KIRREL1: variants seen among roughly 807,000 people sequenced by gnomAD.
KIRREL1 encodes kin of IRRE-like protein 1.
Under a neutral mutation model 83.3 loss-of-function variants are expected in KIRREL1, and 25 were observed. The observed-to-expected ratio is 0.30, with a 90% confidence interval of 0.22 to 0.42. The LOEUF is 0.42. Among genes scored for constraint, KIRREL1 ranks in the 10% least tolerant of loss-of-function variants. The probability of loss-of-function intolerance (pLI) is 1.00; values close to 1 mark genes in which losing one functional copy is unlikely to be tolerated. For synonymous variants in KIRREL1, 388 were observed against 410.4 expected, an observed-to-expected ratio of 0.95 and a Z score of 0.66; for missense variants, 812 against 1,032.3, an observed-to-expected ratio of 0.79 and a Z score of 2.92.
At position 158,084,556 on chromosome 1, in the gene KIRREL1, C is replaced by A; in HGVS notation, c.487C>A (p.Gln163Lys). The change falls in exon 4 of 15, where the codon CAG becomes AAG. Residue 163 changes from glutamine to lysine, a missense_variant. Gln to Lys is a moderately conservative substitution (Grantham distance 53, BLOSUM62 1). Transcript: ENST00000359209. The stretch of plus-strand genomic sequence containing the variant: ...CATCTGGTTCCGGGACGGGACGCAG[C>A]AGGAGGGCGCTGTGGCCAGCACGGT... ...TIIWFRDGTQ[Q>K]EGAVASTELL... is the part of the protein sequence containing the mutation. The A allele has an allele frequency of 6.4e-7, 1 of 1,551,734 alleles. No homozygotes were observed. The highest frequency in any genetic ancestry group is 8.7e-7 in the Non-Finnish European group (1 of 1,146,992).
At chr1:158,085,946 A>G (rs1042522197) in intron 4 of KIRREL1, among the ~76,000 whole-genome samples, 1 of 152,222 alleles carries the variant, frequency 6.6e-6, no homozygotes, top group African/African-American at 2.4e-5. Flanking sequence ...AGCTGTGAGC[A>G]GGACACACTG....
chr1:158,087,877 C>A lies in KIRREL1; in HGVS notation c.767+17C>A. 1 of 1,610,592 alleles carries A rather than the reference C, an allele frequency of 6.2e-7. No individual in the cohort carries two copies. ...GGGCTACAGGTGAGGGGGTCAGAGGCTGGGAGCGCTCTGGGGAGTGATAAG... is the reference window on the plus strand; with the variant it reads ...GGGCTACAGGTGAGGGGGTCAGAGGATGGGAGCGCTCTGGGGAGTGATAAG... On this transcript the variant is annotated intron_variant, in intron 6 of 14. Transcript: ENST00000359209.
At chr1:158,031,191 C>T (rs960289030) in intron 1 of KIRREL1, 4 of 152,126 alleles carry the variant, frequency 2.6e-5, no homozygotes, top group African/African-American at 7.2e-5. Flanking sequence ...TCAGGTCCCC[C>T]GAACGAAAAG....
rs961412306 is a variant in KIRREL1, at chr1:158,094,560, G to A, written c.1798-84G>A. 20 of 1,296,868 alleles carry A rather than the reference G, an allele frequency of 1.5e-5. No individual in the cohort carries two copies. The highest frequency in any genetic ancestry group is 2.9e-5 in the African/African-American group (2 of 68,726). The allele number at this position is 1,296,868 out of a possible 1,614,324, so 80.3% of individuals were successfully genotyped here. A position where few individuals can be genotyped will look rare whatever the true frequency, so the allele number is the denominator to read the frequency against. On this transcript the variant is annotated intron_variant, in intron 14 of 14. Coordinates refer to ENST00000359209, the MANE Select transcript of KIRREL1 (RefSeq NM_018240.7). The surrounding 1 kb of genome is among the most constrained non-coding windows in gnomAD (Gnocchi z 4.6). ...GATGGGGACATAGGGAGAGCTGGAG[G>A]AAGAGGCCCAGAAAGCCATGGTGAG...
In KIRREL1 at chr1:158,017,892, A is replaced by T. The variant is rs1659878543; in HGVS notation, c.52+24164A>T. 1.3e-5 allele frequency among the ~76,000 whole-genome samples: 2 copies of T among 151,160 alleles called. 1 individual carries two copies. Among genetic ancestry groups the T allele is most frequent in the South Asian group, 4.2e-4 (2 of 4,766 alleles). ...ATTAGAGAGGAAGAGGGGAAAAGAA[A>T]AAAAAAAAGATTCCAGTTAAAAATC... On this transcript the variant is annotated intron_variant, in intron 1 of 14. Transcript: ENST00000359209.
In KIRREL1 at chr1:158,094,752, C is replaced by T. The variant is rs996927521; in HGVS notation, c.1906C>T (p.Arg636Cys). 3.1e-6 allele frequency: 5 copies of T among 1,613,752 alleles called. No homozygotes were observed. Among genetic ancestry groups the T allele is most frequent in the Non-Finnish European group, 3.4e-6 (4 of 1,180,004 alleles). Residue 636 changes from arginine (R) to cysteine (C), a missense_variant, in exon 15 of 15, where the codon CGC becomes TGC. Arg to Cys is a radical substitution (Grantham distance 180). Coordinates refer to ENST00000359209, the MANE Select transcript of KIRREL1 (RefSeq NM_018240.7). This position sits in a 1 kb window ranked among gnomAD's most constrained non-coding sequence, Gnocchi z 4.6. ...RAPGPARFDG[R>C]PSSRLSHSSG... ...CCCTGGCCCTGCCCGCTTCGACGGCCGCCCCTCATCCCGTCTCTCCCACTC... is the reference window on the plus strand; with the variant it reads ...CCCTGGCCCTGCCCGCTTCGACGGCTGCCCCTCATCCCGTCTCTCCCACTC...
chr1:158,000,179 T>A (rs1659321750), intron 1 of KIRREL1, among the ~76,000 whole-genome samples: 1 of 152,236 alleles, frequency 6.6e-6, no homozygotes, highest in South Asian at 2.1e-4. Context: ...CATATGCATA[T>A]GTATTCACAC....
intron 11 of KIRREL1, among the ~76,000 whole-genome samples, chr1:158,092,220 A>G (rs72711972): frequency 0.039 from 6,006 of 152,284 alleles, 175 homozygotes; most frequent in Middle Eastern, 0.12. Context: ...ACTTTTTTGG[A>G]AGCTACCAAG....
intron 1 of KIRREL1, among the ~76,000 whole-genome samples, chr1:158,019,255 C>T (rs977548481): frequency 9.2e-5 from 14 of 152,092 alleles, no homozygotes; most frequent in Non-Finnish European, 1.8e-4. Flanking sequence ...GAATAAAGAG[C>T]TGAGGCATAG....
chr1:158,060,274 G>A (rs11581080), intron 1 of KIRREL1, among the ~76,000 whole-genome samples: 28 of 152,246 alleles, frequency 1.8e-4, no homozygotes, highest in Non-Finnish European at 3.1e-4. Context: ...ACATTCTGGG[G>A]ATCTCTGACC....
rs576382782 is a variant in KIRREL1, at chr1:158,067,307, T to C, written c.53-8806T>C. Among the ~76,000 whole-genome samples the C allele has an allele frequency of 2.0e-5, 3 of 152,270 alleles. 1 individual carries two copies. In the South Asian group the frequency reaches 6.2e-4, roughly 32 times the overall value. On this transcript the variant is annotated intron_variant, in intron 1 of 14. Transcript: ENST00000359209. Reference sequence around the variant, plus strand: ...ATGGGAAAGGAAAGGATGGCCTCTCTTCTCCTATGCCGGATACCTCATCTG... The same window carrying C: ...ATGGGAAAGGAAAGGATGGCCTCTCCTCTCCTATGCCGGATACCTCATCTG...
At chr1:158,036,256 T>C (rs1259002135) in intron 1 of KIRREL1, among the ~76,000 whole-genome samples, 1 of 152,208 alleles carries the variant, frequency 6.6e-6, no homozygotes, top group Non-Finnish European at 1.5e-5. Flanking sequence ...TTATTACTGT[T>C]CCAGACTTAT....
At chr1:158,084,328 G>A in intron 3 of KIRREL1, 94 bp from the exon 4 acceptor site, 1 of 1,250,958 alleles carries the variant, frequency 8.0e-7, no homozygotes. Flanking sequence ...AGGCGCACAT[G>A]CAGGTGGAAG....
rs775093320 is a variant in KIRREL1, at chr1:158,095,125, C to G, written c.*5C>G. Reference sequence around the variant, plus strand: ...CGCATGCAGACTCACGTGTAGGGGCCAGAGCCTGGCTGGGGCATCTCTGCG... The same window carrying G: ...CGCATGCAGACTCACGTGTAGGGGCGAGAGCCTGGCTGGGGCATCTCTGCG... On this transcript the variant is annotated 3_prime_UTR_variant, in exon 15 of 15. Transcript: ENST00000359209. 6.4e-6 allele frequency: 10 copies of G among 1,572,594 alleles called. No individual in the cohort carries two copies. Among genetic ancestry groups the G allele is most frequent in the Non-Finnish European group, 7.8e-6 (9 of 1,152,486 alleles).
intron 1 of KIRREL1, among the ~76,000 whole-genome samples, chr1:158,020,824 A>G (rs1016596153): frequency 4.6e-5 from 7 of 152,296 alleles, no homozygotes; most frequent in Admixed American, 1.3e-4. Context: ...ATTCATTATC[A>G]TGCTTTCCAA....
intron 1 of KIRREL1, among the ~76,000 whole-genome samples, chr1:158,055,850 A>G (rs576683072): frequency 9.2e-5 from 14 of 152,340 alleles, no homozygotes; most frequent in Admixed American, 3.9e-4. Context: ...CCAATGGAGC[A>G]TAAGGACAGG....
At chr1:158,062,278 A>T (rs992943888) in intron 1 of KIRREL1, among the ~76,000 whole-genome samples, 1 of 152,134 alleles carries the variant, frequency 6.6e-6, no homozygotes, top group Non-Finnish European at 1.5e-5. Flanking sequence ...CTACCTCTGG[A>T]TGCTCCCTCC....
intron 1 of KIRREL1, among the ~76,000 whole-genome samples, chr1:157,998,466 T>C (rs1659265477): frequency 3.3e-5 from 5 of 152,254 alleles, no homozygotes; most frequent in Admixed American, 3.3e-4. Context: ...ATCTAGTAAA[T>C]GACTTTTTTC....
chr1:158,022,175 A>T (rs925259282), intron 1 of KIRREL1, among the ~76,000 whole-genome samples: 6 of 152,170 alleles, frequency 3.9e-5, no homozygotes, highest in African/African-American at 1.4e-4. Context: ...TTCTGGGCAC[A>T]TAAACCTGGG....
Sources: gnomAD v4.1 joint callset for allele counts (sites outside exome capture counted in the v4.1 genomes callset) on GRCh38, gnomAD v4.1.1 for gene constraint, Gnocchi (gnomAD v3.1) non-coding constraint, MANE v1.5 for transcripts, NCBI Gene and HGNC (gene_info 2026-07-23, HGNC 2026-07-21) for gene names.